EEA1: variants seen among roughly 807,000 people sequenced by gnomAD.
The protein encoded by EEA1 is early endosome antigen 1, 162kD.
Under a neutral mutation model 209.2 loss-of-function variants are expected in EEA1, and 111 were observed. The ratio of observed to expected loss-of-function variants is 0.53; its 90% CI spans 0.45 to 0.62. The LOEUF (loss-of-function observed/expected upper bound fraction) is 0.62, where lower values mean the gene tolerates loss of function less well. Among genes scored for constraint, EEA1 ranks in the 20% least tolerant of loss-of-function variants. The pLI, the probability that EEA1 is intolerant of heterozygous loss-of-function variation, is 0.00. For missense variants in EEA1, 1,343 were observed against 1,530.8 expected (o/e 0.88, Z 2.05); for synonymous variants, 536 against 540.6 (o/e 0.99, Z 0.12).
At chr12:92,883,980 T>C in intron 2 of EEA1, 1 of 1,417,310 alleles carries the variant, frequency 7.1e-7, no homozygotes, top group Admixed American at 1.7e-5. Flanking sequence ...AGGAGGTGGA[T>C]GCAGCCATGA....
intron 22 of EEA1, among the ~76,000 whole-genome samples, chr12:92,786,351 A>G (rs1345026704): frequency 1.3e-5 from 2 of 151,962 alleles, no homozygotes; most frequent in Admixed American, 6.6e-5. Flanking sequence ...AATACTTTCA[A>G]TAGTGTTGTA....
intron 1 of EEA1, among the ~76,000 whole-genome samples, chr12:92,915,594 C>T (rs1188768114): frequency 6.6e-6 from 1 of 152,226 alleles, no homozygotes; most frequent in Non-Finnish European, 1.5e-5. Flanking sequence ...TGCCTGACAA[C>T]GCTCTGCTAT....
intron 1 of EEA1, among the ~76,000 whole-genome samples, chr12:92,918,686 C>G (rs1327211352): frequency 3.1e-5 from 3 of 96,512 alleles, no homozygotes; most frequent in African/African-American, 5.0e-5. Flanking sequence ...ATTAAAAGAA[C>G]TAGAAAAGCA....
At chr12:92,820,361 C>A (rs1443377218) in intron 13 of EEA1, among the ~76,000 whole-genome samples, 1 of 152,116 alleles carries the variant, frequency 6.6e-6, no homozygotes, top group East Asian at 1.9e-4. Context: ...ATGATTTGTG[C>A]CAATATTAAA....
chr12:92,856,398 T>C (rs1192853909), intron 5 of EEA1, among the ~76,000 whole-genome samples: 1 of 152,206 alleles, frequency 6.6e-6, no homozygotes, highest in African/African-American at 2.4e-5. Context: ...CTTTTGATAC[T>C]GCAGTGATTT....
At chr12:92,928,079 C>A (rs981960831) in intron 1 of EEA1, among the ~76,000 whole-genome samples, 2 of 151,872 alleles carry the variant, frequency 1.3e-5, no homozygotes, top group African/African-American at 4.8e-5. Flanking sequence ...CGGTAAAGAA[C>A]TAATAGGCTC....
intron 9 of EEA1, among the ~76,000 whole-genome samples, chr12:92,850,540 A>C (rs1877568418): frequency 6.6e-6 from 1 of 151,890 alleles, no homozygotes. Context: ...AAATACAAAA[A>C]TTAGCCAAGC....
intron 9 of EEA1, 109 bp from the exon 10 acceptor site, chr12:92,842,690 T>A (rs1049907065): frequency 2.8e-6 from 2 of 703,000 alleles, no homozygotes; most frequent in Admixed American, 6.8e-5. Flanking sequence ...GTTGTTGGAA[T>A]TTTCAATTTT....
At chr12:92,813,198 T>C (rs1218274307) in intron 15 of EEA1, 105 bp from the exon 16 acceptor site, 1 of 639,746 alleles carries the variant, frequency 1.6e-6, no homozygotes, top group Non-Finnish European at 2.4e-6. Context: ...AAAAATTAAG[T>C]CCTTGGCAAA....
rs370423119 is a variant in EEA1, at chr12:92,779,924, GAATA to G, written c.3468+352_3468+355del. Among the ~76,000 whole-genome samples the G allele has an allele frequency of 2.0e-4, 31 of 152,130 alleles. 1 individual carries two copies. The East Asian group carries it at 5.4e-3, about 26-fold the overall frequency. ...AAGGACTTTAGGAAGAAAAATAATTGAATAAACAATCCCTTTAAATCTTACTTCT... is the reference window on the plus strand; with the variant it reads ...AAGGACTTTAGGAAGAAAAATAATTGAACAATCCCTTTAAATCTTACTTCT... On this transcript the variant is annotated intron_variant, in intron 24 of 28. Coordinates refer to ENST00000322349, the MANE Select transcript of EEA1 (RefSeq NM_003566.4).
At chr12:92,901,532 A>T (rs1880140006) in intron 1 of EEA1, among the ~76,000 whole-genome samples, 1 of 151,288 alleles carries the variant, frequency 6.6e-6, no homozygotes, top group African/African-American at 2.4e-5. Flanking sequence ...TTTTAAATAT[A>T]CTCCTCATGA....
intron 21 of EEA1, among the ~76,000 whole-genome samples, chr12:92,793,251 A>C (rs1448148212): frequency 1.3e-5 from 2 of 152,210 alleles, no homozygotes; most frequent in African/African-American, 4.8e-5. Context: ...CACCACTCCT[A>C]TTCAACATAG....
intron 13 of EEA1, among the ~76,000 whole-genome samples, chr12:92,825,196 C>T (rs987915874): frequency 3.3e-5 from 5 of 151,818 alleles, no homozygotes; most frequent in African/African-American, 4.8e-5. Context: ...ATGAGGCAGG[C>T]GGAGCATGAG....
In EEA1 at chr12:92,801,590, A is replaced by G; in HGVS notation, c.2772+10T>C. Reference sequence around the variant, plus strand: ...TTTACAGATTTTATGTTACAAAAAAAAAATCTTACCTCCTTCTCTTTTTCA... The same window carrying G: ...TTTACAGATTTTATGTTACAAAAAAGAAATCTTACCTCCTTCTCTTTTTCA... On this transcript the variant is annotated intron_variant, in intron 20 of 28. Transcript: ENST00000322349. 3 of 1,561,720 alleles carry G rather than the reference A, an allele frequency of 1.9e-6. No individual in the cohort carries two copies. The highest frequency in any genetic ancestry group is 2.6e-6 in the Non-Finnish European group (3 of 1,156,496).
At chr12:92,819,560 T>G (rs1193406296) in intron 13 of EEA1, 49 bp from the exon 14 acceptor site, 3 of 1,321,000 alleles carry the variant, frequency 2.3e-6, no homozygotes, top group African/African-American at 1.5e-5. Flanking sequence ...ACTTAAAAAG[T>G]TATTCCTCAA....
intron 21 of EEA1, among the ~76,000 whole-genome samples, chr12:92,788,661 T>C (rs1489765387): frequency 6.6e-6 from 1 of 152,118 alleles, no homozygotes; most frequent in Non-Finnish European, 1.5e-5. Context: ...GTATGAAAAA[T>C]AGGTATTTGA....
chr12:92,912,315 T>C (rs1565861484), intron 1 of EEA1, among the ~76,000 whole-genome samples: 1 of 151,996 alleles, frequency 6.6e-6, no homozygotes, highest in Admixed American at 6.6e-5. Flanking sequence ...TGTAATTCTC[T>C]TATGTAATCC....
rs778853960 is a variant in EEA1, at chr12:92,832,869, A to G, written c.916-19T>C. On this transcript the variant is annotated intron_variant, in intron 10 of 28. Coordinates refer to ENST00000322349, the MANE Select transcript of EEA1 (RefSeq NM_003566.4). ...TCAAGGTCTAAAATATCAATTTAAC[A>G]ATTTATTTCCTTTTCTAATATTTTT... 2.9e-5 allele frequency: 45 copies of G among 1,544,656 alleles called. No individual in the cohort carries two copies. The highest frequency in any genetic ancestry group is 3.9e-5 in the Non-Finnish European group (45 of 1,141,568).
intron 10 of EEA1, 152 bp from the exon 11 acceptor site, chr12:92,833,002 A>G: frequency 1.7e-6 from 1 of 590,166 alleles, no homozygotes; most frequent in Non-Finnish European, 2.8e-6. Context: ...CAAGAATTAA[A>G]TCATTACATA....
Sources: gnomAD v4.1 joint callset for allele counts (sites outside exome capture counted in the v4.1 genomes callset) on GRCh38, gnomAD v4.1.1 for gene constraint, MANE v1.5 for transcripts, NCBI Gene and HGNC (gene_info 2026-07-23, HGNC 2026-07-21) for gene names.